DCC: variants seen among roughly 807,000 people sequenced by gnomAD.
DCC encodes netrin receptor DCC.
In DCC, 58 loss-of-function variants were observed where a neutral mutation model predicts 172.5. The observed-to-expected ratio is 0.34, with a 90% CI of 0.27 to 0.42. The LOEUF (loss-of-function observed/expected upper bound fraction) is 0.42. Among genes scored for constraint, DCC ranks in the 10% least tolerant of loss-of-function variants. DCC has a pLI of 1.00. For synonymous variants in DCC, 709 were observed against 644.5 expected (o/e 1.10, Z -1.52); for missense variants, 1,740 against 1,791.0 (o/e 0.97, Z 0.51).
intron 1 of DCC, among the ~76,000 whole-genome samples, chr18:52,635,529 C>T (rs564618089): frequency 6.6e-4 from 101 of 152,036 alleles, no homozygotes; most frequent in African/African-American, 2.2e-3. Context: ...GAAGGAAAAA[C>T]GTATTTTTTT....
chr18:52,913,290 C>G (rs1759540575), intron 3 of DCC, among the ~76,000 whole-genome samples: 3 of 152,068 alleles, frequency 2.0e-5, no homozygotes, highest in Admixed American at 1.3e-4. Flanking sequence ...TGTTGATAAG[C>G]CTAACCTGAC....
At chr18:52,610,219 ATATATAT>A (rs2034244387) in intron 1 of DCC, among the ~76,000 whole-genome samples, 1 of 89,146 alleles carries the variant, frequency 1.1e-5, no homozygotes, top group Non-Finnish European at 2.1e-5. Flanking sequence ...ATATATATAT[ATATATAT>A]AAAATTAGCC....
chr18:52,646,204 T>C (rs1296652103), intron 1 of DCC, among the ~76,000 whole-genome samples: 2 of 152,206 alleles, frequency 1.3e-5, no homozygotes, highest in Non-Finnish European at 1.5e-5. Flanking sequence ...AAGACTGCAA[T>C]AATAAATGCG....
chr18:52,943,564 C>A (rs1317589871), intron 5 of DCC, among the ~76,000 whole-genome samples: 1 of 152,090 alleles, frequency 6.6e-6, no homozygotes, highest in Non-Finnish European at 1.5e-5. Context: ...CATGAAAGCA[C>A]TTTCTGCATC....
At chr18:52,604,837 A>G (rs1221702786) in intron 1 of DCC, among the ~76,000 whole-genome samples, 1 of 152,174 alleles carries the variant, frequency 6.6e-6, no homozygotes, top group Non-Finnish European at 1.5e-5. Context: ...CTACACAGTC[A>G]TCATATAAAT....
At chr18:53,177,804 A>G (rs2055131211) in intron 8 of DCC, among the ~76,000 whole-genome samples, 1 of 152,198 alleles carries the variant, frequency 6.6e-6, no homozygotes, top group Non-Finnish European at 1.5e-5. Context: ...ACGGTCTAGT[A>G]CATGAAGCAG....
intron 12 of DCC, among the ~76,000 whole-genome samples, chr18:53,225,077 G>T (rs1407240705): frequency 6.6e-6 from 1 of 152,148 alleles, no homozygotes; most frequent in Non-Finnish European, 1.5e-5. Flanking sequence ...AGATGTCATG[G>T]TGGGGAAGAA....
chr18:52,851,481 T>C (rs2038974676), intron 2 of DCC, among the ~76,000 whole-genome samples: 1 of 152,124 alleles, frequency 6.6e-6, no homozygotes, highest in Non-Finnish European at 1.5e-5. Flanking sequence ...TCTTTCATAC[T>C]GAGTTTGTAA....
chr18:52,899,861 G>A (rs1450966746), intron 2 of DCC, among the ~76,000 whole-genome samples: 5 of 152,062 alleles, frequency 3.3e-5, no homozygotes, highest in African/African-American at 1.2e-4. Flanking sequence ...CCAATATTTA[G>A]GGTCTGAAAC....
At chr18:53,445,976 C>G (rs1375652775) in intron 22 of DCC, among the ~76,000 whole-genome samples, 2 of 150,798 alleles carry the variant, frequency 1.3e-5, no homozygotes, top group Admixed American at 1.3e-4. Flanking sequence ...GGATATAATA[C>G]ATTGGGTGGA....
chr18:53,125,836 A>G (rs1215940367), intron 7 of DCC, among the ~76,000 whole-genome samples: 1 of 152,268 alleles, frequency 6.6e-6, no homozygotes, highest in East Asian at 1.9e-4. Context: ...CACATCATAT[A>G]CAAGAGATAA....
intron 27 of DCC, among the ~76,000 whole-genome samples, chr18:53,516,938 C>T (rs1163492532): frequency 6.9e-6 from 1 of 144,346 alleles, no homozygotes; most frequent in African/African-American, 2.8e-5. Context: ...CCCAGCCATC[C>T]CATTACTGGG....
rs1458653936 is a variant in DCC, at chr18:53,397,407, A to G, written c.2788A>G (p.Thr930Ala). 1 of 1,614,072 alleles carries G rather than the reference A, an allele frequency of 6.2e-7. No homozygotes were observed. The highest frequency in any genetic ancestry group is 8.5e-7 in the Non-Finnish European group (1 of 1,179,954). Residue 930 changes from threonine (T) to alanine (A), a missense_variant, in exon 18 of 29, where the codon ACT (threonine) becomes GCT (alanine). By Grantham distance (58) the Thr-to-Ala change is moderately conservative (BLOSUM62 0). Coordinates refer to ENST00000442544, the MANE Select transcript of DCC (RefSeq NM_005215.4). ...GGTAACAAAAAACAGAAGGTCCAGT[A>G]CTTGGAGCATGACTGCACATGCCAC... ...VMVTKNRRSS[T>A]WSMTAHATTY...
At chr18:52,489,100 G>A (rs2030371404) in intron 1 of DCC, among the ~76,000 whole-genome samples, 2 of 151,962 alleles carry the variant, frequency 1.3e-5, no homozygotes, top group South Asian at 2.1e-4. Context: ...ATTAATGTGA[G>A]CACGAATCCT....
intron 2 of DCC, among the ~76,000 whole-genome samples, chr18:52,809,771 G>A (rs887544695): frequency 8.5e-5 from 13 of 152,182 alleles, no homozygotes; most frequent in African/African-American, 2.4e-5. Flanking sequence ...TACAATGAGA[G>A]GGGACCCAAA....
At chr18:52,676,159 C>T (rs1225001736) in intron 1 of DCC, among the ~76,000 whole-genome samples, 1 of 152,174 alleles carries the variant, frequency 6.6e-6, no homozygotes, top group Non-Finnish European at 1.5e-5. Flanking sequence ...GAAGACTCCA[C>T]AGAGGCGGAA....
chr18:53,106,487 T>C (rs766627745), intron 7 of DCC, among the ~76,000 whole-genome samples: 1 of 151,874 alleles, frequency 6.6e-6, no homozygotes, highest in Admixed American at 6.6e-5. Flanking sequence ...CTGACTTGGA[T>C]GTGTGTGTTA....
At chr18:53,191,240 A>G (rs1361978077) in intron 9 of DCC, among the ~76,000 whole-genome samples, 1 of 152,194 alleles carries the variant, frequency 6.6e-6, no homozygotes, top group Non-Finnish European at 1.5e-5. Flanking sequence ...CCCAGAAATG[A>G]GTAGATGTTA....
At chr18:52,772,082 T>C (rs2037353841) in intron 2 of DCC, among the ~76,000 whole-genome samples, 1 of 152,212 alleles carries the variant, frequency 6.6e-6, no homozygotes, top group East Asian at 1.9e-4. Context: ...TGATACATTC[T>C]TTTTACTTAC....
Sources: gnomAD v4.1 joint callset for allele counts (sites outside exome capture counted in the v4.1 genomes callset) on GRCh38, gnomAD v4.1.1 for gene constraint, MANE v1.5 for transcripts, NCBI Gene and HGNC (gene_info 2026-07-23, HGNC 2026-07-21) for gene names.